Variants in GALNT1 observed in about 807,000 individuals in gnomAD.
GALNT1 encodes polypeptide N-acetylgalactosaminyltransferase 1.
In GALNT1, 17 loss-of-function variants were observed where a neutral mutation model predicts 65.7. That is an observed-to-expected ratio of 0.26 (90% CI 0.18 to 0.39). GALNT1 has a LOEUF of 0.39. GALNT1 is among the 10% of genes least tolerant of loss of function. GALNT1 has a pLI of 1.00. For missense variants in GALNT1, 460 were observed against 672.8 expected (o/e 0.68, Z 3.50); for synonymous variants, 210 against 219.7 (o/e 0.96, Z 0.39).
At chr18:35,622,969 G>A (rs1029975702) in intron 1 of GALNT1, among the ~76,000 whole-genome samples, 3 of 151,930 alleles carry the variant, frequency 2.0e-5, no homozygotes, top group Non-Finnish European at 4.4e-5. Context: ...TATATAAGTT[G>A]TTTCCTCTTA....
chr18:35,624,124 C>A (rs1349697868), intron 1 of GALNT1, among the ~76,000 whole-genome samples: 1 of 152,148 alleles, frequency 6.6e-6, no homozygotes, highest in African/African-American at 2.4e-5. Flanking sequence ...TCTAAATGTT[C>A]CTTTTCTTTG....
chr18:35,655,956 A>T (rs995279527), intron 2 of GALNT1, among the ~76,000 whole-genome samples: 18 of 152,202 alleles, frequency 1.2e-4, no homozygotes, highest in African/African-American at 4.3e-4. Flanking sequence ...TTTTTCATCC[A>T]AAGTCAGCCT....
chr18:35,681,855 A>G (rs1226007871), intron 4 of GALNT1, among the ~76,000 whole-genome samples: 1 of 152,168 alleles, frequency 6.6e-6, no homozygotes, highest in East Asian at 1.9e-4. Flanking sequence ...TCTTGGATCC[A>G]TCCCTTAAGC....
At chr18:35,602,676 C>G (rs2046596763) in intron 1 of GALNT1, among the ~76,000 whole-genome samples, 1 of 152,144 alleles carries the variant, frequency 6.6e-6, no homozygotes, top group Admixed American at 6.5e-5. Context: ...ATGTATTTCT[C>G]AGTTCCAGGA....
At position 35,689,824 on chromosome 18, in the gene GALNT1, C is replaced by T. The variant is rs143146747; in HGVS notation, c.978+534C>T. 5.3e-5 allele frequency among the ~76,000 whole-genome samples: 8 copies of T among 152,292 alleles called. No individual in the cohort carries two copies. In the East Asian group the frequency reaches 9.6e-4, roughly 18 times the overall value. On this transcript the variant is annotated intron_variant, in intron 7 of 11. Transcript: ENST00000269195. ...TGCATTTCATGTTCACTAGAATCAA[C>T]ATATCGTTTAAATGGCATTGCATAT...
At chr18:35,630,786 A>G (rs1473122274) in intron 1 of GALNT1, among the ~76,000 whole-genome samples, 1 of 152,228 alleles carries the variant, frequency 6.6e-6, no homozygotes, top group African/African-American at 2.4e-5. Flanking sequence ...GAAAAGATCA[A>G]CAAAATTGAT....
intron 2 of GALNT1, among the ~76,000 whole-genome samples, chr18:35,662,347 T>A (rs977635021): frequency 2.6e-5 from 4 of 152,230 alleles, no homozygotes; most frequent in African/African-American, 9.6e-5. Context: ...ATGTTCCACA[T>A]AAAATCCCAA....
intron 4 of GALNT1, among the ~76,000 whole-genome samples, chr18:35,682,908 T>TTA (rs754044716): frequency 5.1e-5 from 6 of 118,466 alleles, no homozygotes; most frequent in East Asian, 4.7e-4. Context: ...GCCCCCTGAT[T>TTA]AAAAAAAAAA....
At chr18:35,646,346 G>A (rs185820989) in intron 1 of GALNT1, among the ~76,000 whole-genome samples, 9 of 152,286 alleles carry the variant, frequency 5.9e-5, no homozygotes, top group African/African-American at 1.7e-4. Context: ...TGGGGACACC[G>A]AGCCAAACTA....
chr18:35,681,677 C>T (rs1294930737), intron 4 of GALNT1, among the ~76,000 whole-genome samples: 7 of 152,036 alleles, frequency 4.6e-5, no homozygotes, highest in African/African-American at 1.7e-4. Flanking sequence ...ATATCTTATA[C>T]CCTACTGCAT....
chr18:35,610,970 G>C (rs543304934), intron 1 of GALNT1, among the ~76,000 whole-genome samples: 21 of 152,140 alleles, frequency 1.4e-4, no homozygotes, highest in Admixed American at 1.1e-3. Context: ...ACAGTAAACA[G>C]GCAAATGGTG....
chr18:35,604,004 T>G (rs185863129), intron 1 of GALNT1, among the ~76,000 whole-genome samples: 1 of 152,260 alleles, frequency 6.6e-6, no homozygotes, highest in East Asian at 1.9e-4. Flanking sequence ...TGGGGTTTGG[T>G]GTGCAGATTC....
intron 1 of GALNT1, among the ~76,000 whole-genome samples, chr18:35,582,453 G>A (rs2046334162): frequency 6.6e-6 from 1 of 152,226 alleles, no homozygotes; most frequent in African/African-American, 2.4e-5. Flanking sequence ...CAGGAATTGG[G>A]ATGATTTGCA....
intron 11 of GALNT1, among the ~76,000 whole-genome samples, chr18:35,707,313 T>G (rs2048279281): frequency 6.6e-6 from 1 of 152,222 alleles, no homozygotes; most frequent in Non-Finnish European, 1.5e-5. Context: ...TTTTATCCTC[T>G]CCTTCAAAGG....
intron 3 of GALNT1, among the ~76,000 whole-genome samples, chr18:35,668,985 T>C (rs1348999625): frequency 6.6e-6 from 1 of 152,238 alleles, no homozygotes; most frequent in East Asian, 1.9e-4. Context: ...CTCACGCCTG[T>C]AATCCCAGCA....
intron 11 of GALNT1, among the ~76,000 whole-genome samples, chr18:35,707,388 C>T (rs927916162): frequency 1.3e-5 from 2 of 152,154 alleles, no homozygotes; most frequent in Non-Finnish European, 2.9e-5. Flanking sequence ...TGAATGGAGA[C>T]TAGTTGGTGT....
At chr18:35,690,210 C>A (rs780900696) in intron 7 of GALNT1, among the ~76,000 whole-genome samples, 1 of 152,116 alleles carries the variant, frequency 6.6e-6, no homozygotes, top group Non-Finnish European at 1.5e-5. Flanking sequence ...CTTTCTTCTG[C>A]CCCTTTTTTT....
At chr18:35,636,672 A>G (rs2047092628) in intron 1 of GALNT1, among the ~76,000 whole-genome samples, 1 of 152,104 alleles carries the variant, frequency 6.6e-6, no homozygotes, top group Non-Finnish European at 1.5e-5. Flanking sequence ...TATCAAGAAC[A>G]TCATTGGACA....
At chr18:35,688,496 C>T (rs1179352283) in intron 6 of GALNT1, among the ~76,000 whole-genome samples, 1 of 152,084 alleles carries the variant, frequency 6.6e-6, no homozygotes, top group Non-Finnish European at 1.5e-5. Flanking sequence ...AATAATTTCT[C>T]TGCTTAATTT....
Sources: allele counts gnomAD v4.1 joint callset (sites outside exome capture counted in the v4.1 genomes callset), GRCh38; gene constraint gnomAD v4.1.1; transcripts MANE v1.5; gene names NCBI Gene and HGNC (gene_info 2026-07-23, HGNC 2026-07-21).